CCDC178: variants seen among roughly 807,000 people sequenced by gnomAD.
The protein encoded by CCDC178 is coiled-coil domain containing 178, also known as coiled-coil domain-containing protein 178.
CCDC178 carries 126 observed loss-of-function variants against 117.4 expected under a neutral mutation model. The ratio of observed to expected loss-of-function variants is 1.07; its 90% CI spans 0.93 to 1.24. CCDC178 has a LOEUF of 1.24. CCDC178 is among the 50% of genes most tolerant of loss of function. CCDC178 has a pLI of 0.00. For synonymous variants in CCDC178, 283 were observed against 313.4 expected (o/e 0.90, Z 1.02); for missense variants, 1,030 against 986.9 (o/e 1.04, Z -0.59).
At chr18:33,075,354 T>G (rs1399058102) in intron 21 of CCDC178, among the ~76,000 whole-genome samples, 2 of 152,148 alleles carry the variant, frequency 1.3e-5, no homozygotes, top group Non-Finnish European at 2.9e-5. Context: ...TCTGGATTTT[T>G]AAAGCTTGCT....
chr18:33,436,776 T>C (rs751526269), intron 2 of CCDC178, among the ~76,000 whole-genome samples: 4 of 152,174 alleles, frequency 2.6e-5, no homozygotes. Context: ...GTAACATAGC[T>C]AGAATATGTC....
At chr18:33,115,395 G>A (rs987840923) in intron 20 of CCDC178, among the ~76,000 whole-genome samples, 2 of 151,942 alleles carry the variant, frequency 1.3e-5, no homozygotes, top group African/African-American at 4.8e-5. Flanking sequence ...TTATGAAAAA[G>A]TCAATTCTCA....
chr18:33,363,519 G>T (rs2063157851), intron 6 of CCDC178, among the ~76,000 whole-genome samples: 2 of 151,940 alleles, frequency 1.3e-5, no homozygotes, highest in South Asian at 4.2e-4. Flanking sequence ...ACATTTCTTG[G>T]TCCTAGATTT....
chr18:33,100,012 A>G (rs1011008348), intron 20 of CCDC178, among the ~76,000 whole-genome samples: 10 of 151,994 alleles, frequency 6.6e-5, no homozygotes, highest in Admixed American at 3.3e-4. Context: ...TCATTTATTC[A>G]AAAGTACGTA....
In CCDC178 at chr18:32,937,845, A is replaced by T; in HGVS notation, c.*166T>A. The T allele has an allele frequency of 5.0e-6, 3 of 603,562 alleles. No homozygotes were observed. Among genetic ancestry groups the T allele is most frequent in the Non-Finnish European group, 9.0e-6 (3 of 334,284 alleles). The allele number at this position is 603,562 out of a possible 1,614,324, so 37.4% of individuals were successfully genotyped here. On this transcript the variant is annotated 3_prime_UTR_variant, in exon 23 of 23. Transcript: ENST00000383096. ...AAAGTCACCTGTTTCATTGTTATGG[A>T]TTTGCTGTGAGTAAAAGAGTGGCAA...
At chr18:33,018,251 G>T (rs1184872253) in intron 21 of CCDC178, among the ~76,000 whole-genome samples, 2 of 151,970 alleles carry the variant, frequency 1.3e-5, no homozygotes, top group African/African-American at 4.8e-5. Flanking sequence ...TCACTGGAAT[G>T]GTTAAAAACC....
chr18:33,374,505 T>C (rs1167916272), intron 5 of CCDC178, among the ~76,000 whole-genome samples: 1 of 152,182 alleles, frequency 6.6e-6, no homozygotes, highest in Non-Finnish European at 1.5e-5. Context: ...AGAGAGGATA[T>C]AGAACAACTA....
intron 22 of CCDC178, among the ~76,000 whole-genome samples, chr18:32,962,952 A>G (rs2054737058): frequency 6.6e-6 from 1 of 152,092 alleles, no homozygotes; most frequent in Non-Finnish European, 1.5e-5. Flanking sequence ...AATATTTAGT[A>G]CATTTCTGAA....
chr18:33,274,238 A>G (rs1347354559), intron 12 of CCDC178, among the ~76,000 whole-genome samples: 1 of 151,880 alleles, frequency 6.6e-6, no homozygotes, highest in Non-Finnish European at 1.5e-5. Context: ...GGTTTCAAAA[A>G]AAAAGGACAG....
chr18:32,961,119 T>C (rs2054695187), intron 22 of CCDC178, among the ~76,000 whole-genome samples: 2 of 152,144 alleles, frequency 1.3e-5, no homozygotes, highest in East Asian at 1.9e-4. Context: ...AGTTGGTTGA[T>C]AGTGTTGTTC....
intron 2 of CCDC178, among the ~76,000 whole-genome samples, chr18:33,436,408 C>A (rs1045298089): frequency 6.6e-6 from 1 of 152,106 alleles, no homozygotes; most frequent in Non-Finnish European, 1.5e-5. Flanking sequence ...CAGATATGAG[C>A]TGGAAAGAGC....
intron 21 of CCDC178, among the ~76,000 whole-genome samples, chr18:32,997,993 T>C (rs1188489746): frequency 6.6e-6 from 1 of 152,186 alleles, no homozygotes; most frequent in East Asian, 1.9e-4. Context: ...CCACACAAAA[T>C]GTACCTTCAT....
intron 20 of CCDC178, among the ~76,000 whole-genome samples, chr18:33,129,122 G>C (rs141682761): frequency 2.6e-5 from 4 of 152,076 alleles, no homozygotes; most frequent in African/African-American, 9.7e-5. Context: ...ATTTCTTGGA[G>C]GGTGATGATA....
At chr18:32,943,233 G>A (rs1476637550) in intron 22 of CCDC178, among the ~76,000 whole-genome samples, 2 of 152,148 alleles carry the variant, frequency 1.3e-5, no homozygotes, top group Non-Finnish European at 2.9e-5. Flanking sequence ...CAAAGTGATA[G>A]TTTAAAAAGA....
chr18:33,067,220 T>C (rs894089074), intron 21 of CCDC178, among the ~76,000 whole-genome samples: 5 of 151,994 alleles, frequency 3.3e-5, no homozygotes, highest in Non-Finnish European at 7.4e-5. Flanking sequence ...ACTGTGCAAA[T>C]ACATAGAAAT....
At chr18:32,993,698 G>A (rs2055441894) in intron 21 of CCDC178, among the ~76,000 whole-genome samples, 1 of 152,148 alleles carries the variant, frequency 6.6e-6, no homozygotes, top group South Asian at 2.1e-4. Flanking sequence ...GGTTGTATAT[G>A]TGCTTTCTCT....
chr18:33,396,548 T>C (rs2063639557), intron 4 of CCDC178, among the ~76,000 whole-genome samples: 2 of 151,926 alleles, frequency 1.3e-5, no homozygotes, highest in Non-Finnish European at 2.9e-5. Flanking sequence ...TACAGCAAAA[T>C]GGATGAAAGC....
At chr18:33,012,816 TA>T (rs2055898424) in intron 21 of CCDC178, among the ~76,000 whole-genome samples, 1 of 152,318 alleles carries the variant, frequency 6.6e-6, no homozygotes, top group South Asian at 2.1e-4. Context: ...AGTATGCCTT[TA>T]GCAAATAGGA....
At chr18:32,979,047 A>G (rs941352615) in intron 21 of CCDC178, among the ~76,000 whole-genome samples, 12 of 151,722 alleles carry the variant, frequency 7.9e-5, no homozygotes, top group South Asian at 4.2e-4. Flanking sequence ...AAAAAAAAAA[A>G]AGAGAGAAAA....
Sources: allele counts gnomAD v4.1 joint callset (sites outside exome capture counted in the v4.1 genomes callset), GRCh38; gene constraint gnomAD v4.1.1; transcripts MANE v1.5; gene names NCBI Gene and HGNC (gene_info 2026-07-23, HGNC 2026-07-21).